The following CNTN5 variants were observed in gnomAD, a reference collection of about 807,000 sequenced individuals.
CNTN5 encodes the protein contactin-5.
A neutral mutation model predicts 129.1 loss-of-function variants in CNTN5; 77 were observed. The ratio of observed to expected loss-of-function variants is 0.60; its 90% confidence interval spans 0.50 to 0.72. The LOEUF (loss-of-function observed/expected upper bound fraction) is 0.72, where lower values mean the gene tolerates loss of function less well. Among genes scored for constraint, CNTN5 ranks in the 30% least tolerant of loss-of-function variants. The probability of loss-of-function intolerance (pLI) is 0.00; values close to 1 mark genes in which losing one functional copy is unlikely to be tolerated. For missense variants in CNTN5, 1,478 were observed against 1,328.8 expected, an observed-to-expected ratio of 1.11 and a Z score of -1.75; for synonymous variants, 509 against 465.6, an observed-to-expected ratio of 1.09 and a Z score of -1.20.
intron 1 of CNTN5, among the ~76,000 whole-genome samples, chr11:99,246,053 G>T (rs976031978): frequency 6.6e-6 from 1 of 152,090 alleles, no homozygotes; most frequent in Admixed American, 6.6e-5. Context: ...CATAAACTTG[G>T]TTAGTTGAGC....
At position 99,523,216 on chromosome 11, in the gene CNTN5, C is replaced by T. The variant is rs915425510; in HGVS notation, c.-70-32929C>T. Among the ~76,000 whole-genome samples, 12 of 152,130 alleles carry T rather than the reference C, an allele frequency of 7.9e-5. 1 individual carries two copies. Among genetic ancestry groups the T allele is most frequent in the African/African-American group, 2.2e-4 (9 of 41,434 alleles). ...ACTCTTCCTTTGTGTCAACTACTTG[C>T]GTACATTGAGTATACTCTTATTATT... is the stretch of plus-strand genomic sequence containing the variant. On this transcript the variant is annotated intron_variant, in intron 2 of 24. Transcript: ENST00000524871.
At chr11:99,258,233 A>G (rs1352345064) in intron 1 of CNTN5, among the ~76,000 whole-genome samples, 1 of 151,960 alleles carries the variant, frequency 6.6e-6, no homozygotes, top group Non-Finnish European at 1.5e-5. Flanking sequence ...TTTGTTGTAC[A>G]GATTATTTCA....
chr11:100,148,521 C>T (rs1385747959), intron 13 of CNTN5, among the ~76,000 whole-genome samples: 2 of 152,124 alleles, frequency 1.3e-5, no homozygotes, highest in African/African-American at 2.4e-5. Context: ...TGTCACCCCC[C>T]AAACCGGTGT....
intron 6 of CNTN5, among the ~76,000 whole-genome samples, chr11:99,866,281 T>G (rs183690848): frequency 6.6e-6 from 1 of 152,322 alleles, no homozygotes; most frequent in African/African-American, 2.4e-5. Context: ...AGTAGTTATT[T>G]TGAACATTTT....
intron 9 of CNTN5, among the ~76,000 whole-genome samples, chr11:100,023,532 G>A (rs1046522587): frequency 6.6e-6 from 1 of 152,100 alleles, no homozygotes; most frequent in Non-Finnish European, 1.5e-5. Flanking sequence ...ACCATAATTT[G>A]CATTAGAGTT....
Position 100,193,469 on chromosome 11 carries a change from C to T in CNTN5, c.1709-19C>T, listed in dbSNP as rs145603783. 2,552 of 1,421,308 alleles carry T rather than the reference C, an allele frequency of 1.8e-3. 47 individuals carry two copies. In the African/African-American group the frequency reaches 0.031, roughly 18 times the overall value. 88.0% of individuals were successfully genotyped at this position (1,421,308 alleles called of 1,614,324 possible). ...ACAACAGGTTGATTATCTTAATTAA[C>T]GTATTTTTATTTCTATAGAACCTAC... On this transcript the variant is annotated intron_variant, in intron 14 of 24. Coordinates refer to ENST00000524871, the MANE Select transcript of CNTN5 (RefSeq NM_014361.4).
At chr11:99,436,022 T>C (rs555206184) in intron 2 of CNTN5, among the ~76,000 whole-genome samples, 1 of 152,296 alleles carries the variant, frequency 6.6e-6, no homozygotes, top group South Asian at 2.1e-4. Context: ...CATTTCAAGG[T>C]TGAAATGTTC....
intron 2 of CNTN5, among the ~76,000 whole-genome samples, chr11:99,357,898 G>A (rs974705107): frequency 3.6e-4 from 54 of 151,060 alleles, no homozygotes; most frequent in Admixed American, 5.9e-4. Flanking sequence ...CAGCTACTCC[G>A]GAGGCCGAGG....
chr11:99,901,773 AAACTG>A (rs754725957), intron 6 of CNTN5, among the ~76,000 whole-genome samples: 81 of 152,332 alleles, frequency 5.3e-4, no homozygotes, highest in Non-Finnish European at 7.1e-4. Context: ...TTAAAAAAGA[AAACTG>A]AACTGTTATT....
intron 16 of CNTN5, chr11:100,225,500 C>A (rs749198124): frequency 2.6e-5 from 4 of 152,004 alleles, no homozygotes; most frequent in Non-Finnish European, 5.9e-5. Flanking sequence ...TTCTTTCTTC[C>A]CTGCCTCTTT....
chr11:100,087,672 A>G (rs1944607946), intron 13 of CNTN5, among the ~76,000 whole-genome samples: 1 of 151,986 alleles, frequency 6.6e-6, no homozygotes, highest in East Asian at 1.9e-4. Context: ...TAGCCACACA[A>G]CAGTAGTGGG....
At chr11:99,271,386 A>G (rs1397893831) in intron 1 of CNTN5, among the ~76,000 whole-genome samples, 1 of 151,870 alleles carries the variant, frequency 6.6e-6, no homozygotes, top group East Asian at 1.9e-4. Context: ...AAAACATCTG[A>G]AACTATTTTA....
intron 2 of CNTN5, among the ~76,000 whole-genome samples, chr11:99,469,103 A>C (rs1289270736): frequency 6.6e-6 from 1 of 152,018 alleles, no homozygotes; most frequent in Non-Finnish European, 1.5e-5. Context: ...AAAAGAAAAG[A>C]GCTGTAAGTT....
At chr11:99,430,250 A>G (rs1943305123) in intron 2 of CNTN5, among the ~76,000 whole-genome samples, 1 of 152,096 alleles carries the variant, frequency 6.6e-6, no homozygotes, top group Non-Finnish European at 1.5e-5. Flanking sequence ...GAAATGGAAC[A>G]GAGAAATTAA....
intron 1 of CNTN5, among the ~76,000 whole-genome samples, chr11:99,222,239 G>A (rs991165273): frequency 2.0e-5 from 3 of 151,210 alleles, no homozygotes; most frequent in African/African-American, 4.9e-5. Flanking sequence ...TATATCCATC[G>A]ATACAAACAT....
At chr11:99,703,447 T>C (rs1954614794) in intron 3 of CNTN5, among the ~76,000 whole-genome samples, 2 of 150,694 alleles carry the variant, frequency 1.3e-5, no homozygotes, top group African/African-American at 4.8e-5. Flanking sequence ...ATAGTAGTAA[T>C]ATATAATAAA....
chr11:99,943,634 C>G (rs1950492218), intron 7 of CNTN5, among the ~76,000 whole-genome samples: 1 of 150,280 alleles, frequency 6.7e-6, no homozygotes, highest in African/African-American at 2.4e-5. Flanking sequence ...ATGATATTGC[C>G]TAGGTTTTCT....
intron 6 of CNTN5, among the ~76,000 whole-genome samples, chr11:99,858,915 G>T (rs901462257): frequency 1.1e-4 from 4 of 37,428 alleles, no homozygotes; most frequent in Admixed American, 4.1e-4. Flanking sequence ...TGAATGTTTT[G>T]CATTTACCTT....
intron 17 of CNTN5, among the ~76,000 whole-genome samples, chr11:100,262,167 T>G (rs190569822): frequency 2.6e-5 from 4 of 152,288 alleles, no homozygotes; most frequent in African/African-American, 9.6e-5. Context: ...AAAGAAGACA[T>G]TTATGCAGCC....
Sources: allele counts gnomAD v4.1 joint callset (sites outside exome capture counted in the v4.1 genomes callset), GRCh38; gene constraint gnomAD v4.1.1; transcripts MANE v1.5; gene names NCBI Gene and HGNC (gene_info 2026-07-23, HGNC 2026-07-21).